The following CERS3 variants were observed in gnomAD, a reference collection of about 807,000 sequenced individuals.
The protein encoded by CERS3 is LAG1 homolog, ceramide synthase 3.
Under a neutral mutation model 50.3 loss-of-function variants are expected in CERS3, and 33 were observed. That is an observed-to-expected ratio of 0.66 (90% confidence interval 0.50 to 0.88). The LOEUF (loss-of-function observed/expected upper bound fraction) is 0.88, where lower values mean the gene tolerates loss of function less well. Ranked by LOEUF, CERS3 falls within the 40% of genes least tolerant of loss-of-function variation. CERS3 has a pLI of 0.00. For missense variants in CERS3, 470 were observed against 460.3 expected (o/e 1.02, Z -0.19); for synonymous variants, 176 against 155.2 (o/e 1.13, Z -0.99).
intron 1 of CERS3, among the ~76,000 whole-genome samples, chr15:100,527,212 G>A (rs11852606): frequency 0.13 from 19,143 of 152,162 alleles, 1,390 homozygotes; most frequent in African/African-American, 0.19. Context: ...CACGAGAATC[G>A]CTTGAACCCA....
In CERS3 at chr15:100,402,803, T is replaced by C. The variant is rs143468852; in HGVS notation, c.1062A>G (p.Glu354=). 18 of 1,613,890 alleles carry C rather than the reference T, an allele frequency of 1.1e-5. No homozygotes were observed. Among genetic ancestry groups the C allele is most frequent in the Non-Finnish European group, 1.4e-5 (17 of 1,179,942 alleles). The stretch of plus-strand genomic sequence containing the variant: ...CCATCTCTTTGCCTTTGGTAGCCTC[T>C]TCTTCTTCCTCTTCCTCTTCCTCTT... ...DYEEEEEEEE[E]EATKGKEMDC... is the part of the protein sequence containing the mutation. The change falls in exon 12 of 12, where the codon GAA becomes GAG. Residue 354 remains glutamate, a synonymous_variant. Transcript: ENST00000679737.
intron 11 of CERS3, among the ~76,000 whole-genome samples, chr15:100,403,264 T>C (rs1441455834): frequency 2.0e-5 from 3 of 152,128 alleles, no homozygotes; most frequent in South Asian, 2.1e-4. Flanking sequence ...AGCTAAAATA[T>C]GCTTAAAAGG....
intron 4 of CERS3, among the ~76,000 whole-genome samples, chr15:100,487,493 C>T (rs1212589160): frequency 2.0e-5 from 3 of 152,180 alleles, no homozygotes; most frequent in African/African-American, 7.2e-5. Context: ...GGTGACAGAG[C>T]CAGGCTCTAA....
At position 100,479,455 on chromosome 15, in the gene CERS3, C is replaced by T; in HGVS notation, c.489G>A (p.Trp163Ter). 3.7e-6 allele frequency: 6 copies of T among 1,604,248 alleles called. No homozygotes were observed. Among genetic ancestry groups the T allele is most frequent in the Non-Finnish European group, 5.1e-6 (6 of 1,176,732 alleles). ...GTTTGGGATAGCCATTCCAAACCTC[C>T]CATAAGTCATATAGCCAAGGTTTCT... is the stretch of plus-strand genomic sequence containing the variant. ...LYDKPWLYDLWEVWNGYPKQP... is the reference protein window; with the variant it reads ...LYDKPWLYDL Residue 163 changes from tryptophan to a stop codon, truncating the protein, a stop_gained, in exon 7 of 12, where the codon TGG (tryptophan) becomes TGA (stop). Coordinates refer to ENST00000679737, the MANE Select transcript of CERS3 (RefSeq NM_001378789.1). LOFTEE classifies it high-confidence loss of function.
At chr15:100,438,807 G>C (rs1048457322) in intron 11 of CERS3, among the ~76,000 whole-genome samples, 1 of 152,246 alleles carries the variant, frequency 6.6e-6, no homozygotes, top group East Asian at 1.9e-4. Context: ...CGCACGTCTT[G>C]ACTACTCACC....
intron 11 of CERS3, among the ~76,000 whole-genome samples, chr15:100,406,600 G>GGCATCTCCTCAGTTAAGAT (rs2031045304): frequency 1.3e-5 from 2 of 151,972 alleles, no homozygotes. Flanking sequence ...GAATAAACTT[G>GGCATCTCCTCAGTTAAGAT]GCATCTCCTC....
chr15:100,523,700 C>CAAAA (rs34875423), intron 1 of CERS3, among the ~76,000 whole-genome samples: 5 of 51,446 alleles, frequency 9.7e-5, no homozygotes, highest in Non-Finnish European at 1.4e-4. Context: ...GACTCCATCT[C>CAAAA]AAAAAAAAAA....
chr15:100,486,400 GA>G (rs1326110728), intron 4 of CERS3, among the ~76,000 whole-genome samples: 1 of 152,154 alleles, frequency 6.6e-6, no homozygotes, highest in East Asian at 1.9e-4. Flanking sequence ...GACCCCCATG[GA>G]AAATGGGATA....
intron 11 of CERS3, among the ~76,000 whole-genome samples, chr15:100,430,996 A>T (rs1393943): frequency 0.52 from 78,322 of 151,972 alleles, 20,789 homozygotes; most frequent in Middle Eastern, 0.59. Context: ...GGTTCTTGGT[A>T]AACTACAGAT....
intron 3 of CERS3, among the ~76,000 whole-genome samples, chr15:100,499,094 T>A (rs1182989771): frequency 1.3e-5 from 2 of 152,170 alleles, no homozygotes; most frequent in Non-Finnish European, 2.9e-5. Flanking sequence ...ATCATGACCT[T>A]ATGTTGCTGG....
chr15:100,474,927 T>C (rs1206878180), intron 8 of CERS3, among the ~76,000 whole-genome samples: 6 of 152,318 alleles, frequency 3.9e-5, no homozygotes, highest in Middle Eastern at 3.4e-3. Context: ...TTTCTGAAGA[T>C]ACATCTTTAT....
Position 100,457,326 on chromosome 15 carries a change from C to T in CERS3, c.846-1280G>A, listed in dbSNP as rs78322046. Among the ~76,000 whole-genome samples, 2,876 of 152,272 alleles carry T rather than the reference C, an allele frequency of 0.019. 321 individuals carry two copies. In the East Asian group the frequency reaches 0.33, roughly 18 times the overall value. ...ATCTTGCCAAAAAAATTCTGTGATG[C>T]TATCCCTTTATTGCCACACCCTCCT... is the stretch of plus-strand genomic sequence containing the variant. On this transcript the variant is annotated intron_variant, in intron 10 of 11. Coordinates refer to ENST00000679737, the MANE Select transcript of CERS3 (RefSeq NM_001378789.1).
intron 11 of CERS3, among the ~76,000 whole-genome samples, chr15:100,453,941 C>T (rs2034265496): frequency 6.6e-6 from 1 of 152,082 alleles, no homozygotes; most frequent in Non-Finnish European, 1.5e-5. Context: ...GGTAAAAGAC[C>T]TCTACAAGGA....
upstream of CERS3, among the ~76,000 whole-genome samples, chr15:100,531,874 G>A (rs977038109): frequency 1.3e-5 from 2 of 152,108 alleles, no homozygotes; most frequent in African/African-American, 4.8e-5. Flanking sequence ...AGTGAACGTC[G>A]GACCTCTGAC....
intron 2 of CERS3, among the ~76,000 whole-genome samples, chr15:100,511,106 T>C (rs1430018099): frequency 6.6e-6 from 1 of 152,038 alleles, no homozygotes; most frequent in Non-Finnish European, 1.5e-5. Context: ...CTGACCAACA[T>C]GGTGAAACTG....
intron 2 of CERS3, among the ~76,000 whole-genome samples, chr15:100,502,804 T>C (rs1195569801): frequency 1.3e-5 from 2 of 152,080 alleles, no homozygotes; most frequent in Non-Finnish European, 2.9e-5. Context: ...TTTTTTTTTT[T>C]AGGTATGCTA....
At chr15:100,459,510 A>G (rs2034483836) in intron 10 of CERS3, among the ~76,000 whole-genome samples, 1 of 152,150 alleles carries the variant, frequency 6.6e-6, no homozygotes, top group African/African-American at 2.4e-5. Flanking sequence ...CTTGTTGCAC[A>G]GGCTGATCTC....
chr15:100,523,531 C>A lies in CERS3; in HGVS notation c.-91-1775G>T, dbSNP rs141176356. On this transcript the variant is annotated intron_variant, in intron 1 of 11. Transcript: ENST00000679737. ...CCTGGCTAACACGGTGAAACCCTGT[C>A]TCTACTAAAAATACAAAAAATTAGC... Among the ~76,000 whole-genome samples the A allele has an allele frequency of 6.6e-5, 10 of 152,012 alleles. No individual in the cohort carries two copies. The East Asian group carries it at 1.9e-3, about 29-fold the overall frequency.
intron 11 of CERS3, among the ~76,000 whole-genome samples, chr15:100,440,613 G>C (rs981482287): frequency 6.6e-6 from 1 of 152,194 alleles, no homozygotes; most frequent in Non-Finnish European, 1.5e-5. Flanking sequence ...CGTGAAATTT[G>C]GTGCTGTGAC....
Sources: allele counts gnomAD v4.1 joint callset (sites outside exome capture counted in the v4.1 genomes callset), GRCh38; gene constraint gnomAD v4.1.1; transcripts MANE v1.5; gene names NCBI Gene and HGNC (gene_info 2026-07-23, HGNC 2026-07-21).